SESTD1: variants seen among roughly 807,000 people sequenced by gnomAD.
SESTD1 encodes SEC14 and spectrin domain containing 1, also known as SEC14 domain and spectrin repeat-containing protein 1.
In SESTD1, 43 loss-of-function variants were observed where a neutral mutation model predicts 101.7. The observed-to-expected ratio is 0.42, with a 90% CI of 0.33 to 0.55. SESTD1 has a LOEUF of 0.55. Among genes scored for constraint, SESTD1 ranks in the 20% least tolerant of loss-of-function variants. The pLI, the probability that SESTD1 is intolerant of heterozygous loss-of-function variation, is 0.07. For synonymous variants in SESTD1, 283 were observed against 286.8 expected (o/e 0.99, Z 0.13); for missense variants, 647 against 815.1 (o/e 0.79, Z 2.51).
chr2:179,149,246 A>C (rs773577387), intron 7 of SESTD1, 51 bp downstream of exon 7: 1 of 1,283,964 alleles, frequency 7.8e-7, no homozygotes, highest in South Asian at 1.3e-5. Flanking sequence ...ATCTTTTATC[A>C]GAATAATTAT....
chr2:179,174,060 G>C (rs1476229816), intron 4 of SESTD1, among the ~76,000 whole-genome samples: 1 of 152,162 alleles, frequency 6.6e-6, no homozygotes, highest in South Asian at 2.1e-4. Flanking sequence ...TTTTACCAGA[G>C]GGGCTGGAAA....
At position 179,216,057 on chromosome 2, in the gene SESTD1, T is replaced by A. The variant is rs759482338; in HGVS notation, c.-25-24191A>T. ...AGTGAATGGGCAAAAACTGGAAGCA[T>A]CCCCTTTGAAAACCTGCACAAGACA... On this transcript the variant is annotated intron_variant, in intron 1 of 17. Transcript: ENST00000428443. Among the ~76,000 whole-genome samples the A allele has an allele frequency of 6.7e-5, 9 of 134,880 alleles. 2 individuals are homozygous for A. Among genetic ancestry groups the A allele is most frequent in the Non-Finnish European group, 1.1e-4 (7 of 62,778 alleles). The allele number at this position is 134,880 out of a possible 152,430, so 88.5% of individuals were successfully genotyped here. A position where few individuals can be genotyped will look rare whatever the true frequency, so the allele number is the denominator to read the frequency against.
chr2:179,170,280 A>G (rs1223835684), intron 5 of SESTD1, among the ~76,000 whole-genome samples: 1 of 152,132 alleles, frequency 6.6e-6, no homozygotes, highest in Non-Finnish European at 1.5e-5. Context: ...TGTTAAGAGA[A>G]TGACAAGGCA....
intron 1 of SESTD1, among the ~76,000 whole-genome samples, chr2:179,263,051 A>G (rs556598843): frequency 1.3e-5 from 2 of 152,340 alleles, no homozygotes; most frequent in Admixed American, 1.3e-4. Context: ...GAGTGGGCCC[A>G]ATTTTTAAGG....
chr2:179,115,511 G>A (rs573367070), intron 15 of SESTD1, among the ~76,000 whole-genome samples: 1 of 152,246 alleles, frequency 6.6e-6, no homozygotes, highest in Admixed American at 6.5e-5. Flanking sequence ...ACTTTGGGAG[G>A]CTGAGGTGGG....
intron 5 of SESTD1, among the ~76,000 whole-genome samples, chr2:179,157,974 A>T (rs2045662591): frequency 6.6e-6 from 1 of 152,164 alleles, no homozygotes; most frequent in African/African-American, 2.4e-5. Flanking sequence ...TTGTCATAAC[A>T]GCATAGAGGG....
At chr2:179,227,314 A>G (rs1370095097) in intron 1 of SESTD1, among the ~76,000 whole-genome samples, 1 of 152,176 alleles carries the variant, frequency 6.6e-6, no homozygotes, top group African/African-American at 2.4e-5. Flanking sequence ...TTAGTTATCT[A>G]TGAAACCTTT....
chr2:179,161,491 T>A (rs2045735296), intron 5 of SESTD1, among the ~76,000 whole-genome samples: 1 of 151,980 alleles, frequency 6.6e-6, no homozygotes, highest in Non-Finnish European at 1.5e-5. Context: ...TGAAACCCTG[T>A]CTCTACTAAA....
chr2:179,251,842 CA>C (rs1176725703), intron 1 of SESTD1, among the ~76,000 whole-genome samples: 1 of 152,120 alleles, frequency 6.6e-6, no homozygotes, highest in Non-Finnish European at 1.5e-5. Flanking sequence ...TCACCAGATA[CA>C]AAATCTGCCG....
In SESTD1 at chr2:179,124,891, T is replaced by C. The variant is rs531962243; in HGVS notation, c.973-333A>G. 1.6e-4 allele frequency among the ~76,000 whole-genome samples: 25 copies of C among 152,300 alleles called. No homozygotes were observed. The South Asian group carries it at 1.9e-3, about 11-fold the overall frequency. Reference sequence around the variant, plus strand: ...CTCGTTCCTCACTACTTGCAGACCATTTATTTTCCCTCTTCTTTCAAAAAA... The same window carrying C: ...CTCGTTCCTCACTACTTGCAGACCACTTATTTTCCCTCTTCTTTCAAAAAA... On this transcript the variant is annotated intron_variant, in intron 10 of 17. Transcript: ENST00000428443.
At chr2:179,119,071 G>A (rs1488091068) in intron 13 of SESTD1, among the ~76,000 whole-genome samples, 1 of 152,164 alleles carries the variant, frequency 6.6e-6, no homozygotes, top group Non-Finnish European at 1.5e-5. Context: ...AATTATGCAA[G>A]AATTGGATTA....
At chr2:179,251,840 T>C (rs1434935264) in intron 1 of SESTD1, among the ~76,000 whole-genome samples, 2 of 152,128 alleles carry the variant, frequency 1.3e-5, no homozygotes, top group African/African-American at 4.8e-5. Context: ...CCTCACCAGA[T>C]ACAAAATCTG....
Position 179,206,640 on chromosome 2 carries a change from T to C in SESTD1, c.-25-14774A>G, listed in dbSNP as rs1412630674. ...TGCTCCTAGCTGAACTCTGTAATAA[T>C]TGCAACTGAGCACAAACTTTCCTAA... On this transcript the variant is annotated intron_variant, in intron 1 of 17. Transcript: ENST00000428443. Among the ~76,000 whole-genome samples the C allele has an allele frequency of 2.2e-5, 3 of 134,458 alleles. 1 individual carries two copies. The highest frequency in any genetic ancestry group is 8.9e-5 in the African/African-American group (3 of 33,868). The allele number at this position is 134,458 out of a possible 152,430, so 88.2% of individuals were successfully genotyped here.
At chr2:179,174,822 G>C (rs192766871) in intron 4 of SESTD1, among the ~76,000 whole-genome samples, 1 of 152,004 alleles carries the variant, frequency 6.6e-6, no homozygotes, top group African/African-American at 2.4e-5. Context: ...GGTGGCGCTC[G>C]CCTCCAGTCC....
Position 179,123,168 on chromosome 2 carries a change from T to C in SESTD1, c.1282+547A>G, listed in dbSNP as rs375791579. Among the ~76,000 whole-genome samples the C allele has an allele frequency of 1.1e-3, 168 of 152,216 alleles. 2 individuals are homozygous for C. The highest frequency in any genetic ancestry group is 6.8e-3 in the Middle Eastern group (2 of 294). On this transcript the variant is annotated intron_variant, in intron 12 of 17. Transcript: ENST00000428443. The stretch of plus-strand genomic sequence containing the variant: ...CTGCTGTAGAAAAATTCTAAAGGCC[T>C]TGATGTCAAATGACATCAAGCCTAC...
At chr2:179,217,187 T>C (rs1005836539) in intron 1 of SESTD1, among the ~76,000 whole-genome samples, 1 of 151,908 alleles carries the variant, frequency 6.6e-6, no homozygotes, top group Non-Finnish European at 1.5e-5. Context: ...ACCATCAGAG[T>C]GAACAGGCAA....
intron 1 of SESTD1, among the ~76,000 whole-genome samples, chr2:179,196,262 G>A (rs140944420): frequency 5.8e-4 from 89 of 152,284 alleles, no homozygotes; most frequent in African/African-American, 2.1e-3. Flanking sequence ...CTTAAAAAAC[G>A]GCGCACCAGG....
At chr2:179,241,309 A>G (rs1211879389) in intron 1 of SESTD1, among the ~76,000 whole-genome samples, 4 of 152,104 alleles carry the variant, frequency 2.6e-5, no homozygotes, top group Admixed American at 2.6e-4. Flanking sequence ...TGAAGAAATT[A>G]AGGGCTAAAA....
At chr2:179,114,540 C>G (rs2154393738) in intron 16 of SESTD1, among the ~76,000 whole-genome samples, 1 of 152,064 alleles carries the variant, frequency 6.6e-6, no homozygotes, top group African/African-American at 2.4e-5. Context: ...TTTTTTGTTT[C>G]TGAAATTAAT....
Sources: allele counts gnomAD v4.1 joint callset (sites outside exome capture counted in the v4.1 genomes callset), GRCh38; gene constraint gnomAD v4.1.1; transcripts MANE v1.5; gene names NCBI Gene and HGNC (gene_info 2026-07-23, HGNC 2026-07-21).